ATP13A5: variants seen among roughly 807,000 people sequenced by gnomAD.
ATP13A5 encodes ATPase 13A5.
A neutral mutation model predicts 150.2 loss-of-function variants in ATP13A5; 149 were observed. The ratio of observed to expected loss-of-function variants is 0.99; its 90% confidence interval spans 0.87 to 1.14. The LOEUF (loss-of-function observed/expected upper bound fraction) is 1.14, where lower values mean the gene tolerates loss of function less well. Among genes scored for constraint, ATP13A5 ranks in the 50% most tolerant of loss-of-function variants. The pLI, the probability that ATP13A5 is intolerant of heterozygous loss-of-function variation, is 0.00. For missense variants in ATP13A5, 1,383 were observed against 1,449.3 expected, an observed-to-expected ratio of 0.95 and a Z score of 0.74; for synonymous variants, 497 against 522.2, an observed-to-expected ratio of 0.95 and a Z score of 0.66.
At position 193,293,860 on chromosome 3, in the gene ATP13A5, G is replaced by A. The variant is rs566394250; in HGVS notation, c.2849-3801C>T. Among the ~76,000 whole-genome samples the A allele has an allele frequency of 1.1e-4, 17 of 152,142 alleles. No individual in the cohort carries two copies. The East Asian group carries it at 3.3e-3, about 29-fold the overall frequency. On this transcript the variant is annotated intron_variant, in intron 25 of 29. Transcript: ENST00000342358. ...GAAACACAGATGGGGTGTACGAGATGCACTTCTATAATGGGTGAGTCCCTC... is the reference window on the plus strand; with the variant it reads ...GAAACACAGATGGGGTGTACGAGATACACTTCTATAATGGGTGAGTCCCTC...
At chr3:193,292,304 G>A (rs1272683530) in intron 25 of ATP13A5, among the ~76,000 whole-genome samples, 1 of 152,114 alleles carries the variant, frequency 6.6e-6, no homozygotes, top group Non-Finnish European at 1.5e-5. Context: ...TTCATAAAGA[G>A]GCTGCAGGTA....
intron 29 of ATP13A5, 69 bp from the exon 30 acceptor site, chr3:193,275,371 C>T: frequency 6.5e-7 from 1 of 1,549,376 alleles, no homozygotes. Flanking sequence ...CGCTGGCCAC[C>T]ACAGCCACCT....
chr3:193,335,140 G>T (rs779734286), intron 9 of ATP13A5, 41 bp from the exon 10 acceptor site: 1 of 1,600,902 alleles, frequency 6.2e-7, no homozygotes, highest in Non-Finnish European at 8.6e-7. Flanking sequence ...GTAAGCTCAG[G>T]TAGTTGGTCA....
At chr3:193,317,254 A>C (rs1719084420) in intron 17 of ATP13A5, among the ~76,000 whole-genome samples, 1 of 152,238 alleles carries the variant, frequency 6.6e-6, no homozygotes, top group Non-Finnish European at 1.5e-5. Flanking sequence ...TTGCCTAGGC[A>C]AAATGACATT....
intron 5 of ATP13A5, among the ~76,000 whole-genome samples, chr3:193,360,623 T>G (rs1194656450): frequency 6.6e-6 from 1 of 152,250 alleles, no homozygotes; most frequent in Non-Finnish European, 1.5e-5. Context: ...TTCTTCATAT[T>G]TGGAAAATGA....
intron 9 of ATP13A5, among the ~76,000 whole-genome samples, chr3:193,338,540 G>A (rs181231303): frequency 0.037 from 5,584 of 152,242 alleles, 148 homozygotes; most frequent in Non-Finnish European, 0.052. Context: ...TACATTTATT[G>A]ATTTTCATAT....
chr3:193,277,742 CT>C (rs1717289596), intron 28 of ATP13A5: 1 of 152,218 alleles, frequency 6.6e-6, no homozygotes, highest in East Asian at 1.9e-4. Context: ...GAGAACCTGG[CT>C]CTTTTTCTCA....
At chr3:193,309,090 C>T (rs1006685605) in intron 21 of ATP13A5, among the ~76,000 whole-genome samples, 2 of 152,166 alleles carry the variant, frequency 1.3e-5, no homozygotes, top group African/African-American at 4.8e-5. Context: ...ACTTCCTAGA[C>T]TCTGCAGCCC....
intron 9 of ATP13A5, among the ~76,000 whole-genome samples, chr3:193,341,718 CATATT>C (rs1000637073): frequency 6.6e-6 from 1 of 152,110 alleles, no homozygotes; most frequent in South Asian, 2.1e-4. Flanking sequence ...CTGTCTGACT[CATATT>C]AGATATTCAC....
chr3:193,305,766 A>G (rs1229442452), intron 22 of ATP13A5, 98 bp from the exon 23 acceptor site: 4 of 1,009,826 alleles, frequency 4.0e-6, no homozygotes, highest in Non-Finnish European at 6.2e-6. Flanking sequence ...AAGGTATAAC[A>G]CTGTACTGTT....
In ATP13A5 at chr3:193,281,939, T is replaced by TA. The variant is rs552034602; in HGVS notation, c.3227-2486dup. The stretch of plus-strand genomic sequence containing the variant: ...GGCCAGGTGCAGTGGTTCACCCCTG[T>TA]AATCCCAGCACTTTGGGAGGCCGAA... On this transcript the variant is annotated intron_variant, in intron 27 of 29. Coordinates refer to ENST00000342358, the MANE Select transcript of ATP13A5 (RefSeq NM_198505.4). Among the ~76,000 whole-genome samples, 743 of 152,216 alleles carry TA rather than the reference T, an allele frequency of 4.9e-3. 7 individuals carry two copies. Among genetic ancestry groups the TA allele is most frequent in the African/African-American group, 0.017 (708 of 41,530 alleles).
At chr3:193,295,837 A>T (rs1043335165) in intron 25 of ATP13A5, among the ~76,000 whole-genome samples, 5 of 152,150 alleles carry the variant, frequency 3.3e-5, no homozygotes, top group African/African-American at 1.2e-4. Flanking sequence ...TATGGAGATT[A>T]TCAAGCAATT....
intron 21 of ATP13A5, 170 bp from the exon 22 acceptor site, chr3:193,307,539 G>A (rs550577641): frequency 4.0e-6 from 3 of 742,958 alleles, no homozygotes; most frequent in Non-Finnish European, 6.7e-6. Flanking sequence ...TTCCCAGAGG[G>A]AAAAGGCAGT....
chr3:193,292,392 C>A (rs1717999700), intron 25 of ATP13A5, among the ~76,000 whole-genome samples: 1 of 152,262 alleles, frequency 6.6e-6, no homozygotes, highest in Non-Finnish European at 1.5e-5. Context: ...ATTGTAGTTT[C>A]TTGCCTTTCT....
Position 193,372,761 on chromosome 3 carries a change from T to C in ATP13A5, c.63+5902A>G, listed in dbSNP as rs142781506. Among the ~76,000 whole-genome samples the C allele has an allele frequency of 2.4e-3, 364 of 152,342 alleles. 3 individuals are homozygous for C. The highest frequency in any genetic ancestry group is 0.011 in the East Asian group (58 of 5,184). ...TCACTGATACCCTCACCTTGTTTTT[T>C]GAAAATAACTTAAAACAAAAACTCA... On this transcript the variant is annotated intron_variant, in intron 1 of 29. Transcript: ENST00000342358.
chr3:193,368,392 T>TTGTGTGTGTGTGTGTGTGTGTG (rs1286543236), intron 1 of ATP13A5, among the ~76,000 whole-genome samples: 133 of 147,354 alleles, frequency 9.0e-4, no homozygotes, highest in Non-Finnish European at 1.4e-3. Context: ...CTCTTCAGAC[T>TTGTGTGTGTGTGTGTGTGTGTG]TGTGTGTGTG....
At chr3:193,303,976 C>A (rs889473320) in intron 23 of ATP13A5, among the ~76,000 whole-genome samples, 1 of 151,938 alleles carries the variant, frequency 6.6e-6, no homozygotes, top group African/African-American at 2.4e-5. Flanking sequence ...TCATTCTTTA[C>A]ATTTCCAAGC....
rs113705500 is a variant in ATP13A5 at position 193,374,640 on chromosome 3, GACACACACACAC to G, written c.63+4011_63+4022del. Among the ~76,000 whole-genome samples, 8 of 93,226 alleles carry G rather than the reference GACACACACACAC, an allele frequency of 8.6e-5. No homozygotes were observed. The East Asian group carries it at 1.8e-3, about 20-fold the overall frequency. 61.2% of individuals were successfully genotyped at this position (93,226 alleles called of 152,430 possible). A position where few individuals can be genotyped will look rare whatever the true frequency, so the allele number is the denominator to read the frequency against. ...AGCCTGTGTGGCAGAGTAAGACCAT[GACACACACACAC>G]ACACACACACACACACACACACGCA... is the stretch of plus-strand genomic sequence containing the variant. On this transcript the variant is annotated intron_variant, in intron 1 of 29. Coordinates refer to ENST00000342358, the MANE Select transcript of ATP13A5 (RefSeq NM_198505.4).
intron 26 of ATP13A5, 140 bp downstream of exon 26, chr3:193,289,745 C>A: frequency 2.0e-5 from 13 of 655,818 alleles, no homozygotes; most frequent in Non-Finnish European, 2.7e-5. Flanking sequence ...TAACTGTGTT[C>A]TGTCCCATCA....
Sources: allele counts gnomAD v4.1 joint callset (sites outside exome capture counted in the v4.1 genomes callset), GRCh38; gene constraint gnomAD v4.1.1; transcripts MANE v1.5; gene names NCBI Gene and HGNC (gene_info 2026-07-23, HGNC 2026-07-21).